The following VAPA variants were observed in gnomAD, a reference collection of about 807,000 sequenced individuals.
VAPA encodes vesicle-associated membrane protein-associated protein A.
Under a neutral mutation model 25.6 loss-of-function variants are expected in VAPA, and 6 were observed. The ratio of observed to expected loss-of-function variants is 0.23; its 90% CI spans 0.13 to 0.46. VAPA has a LOEUF of 0.46. Among genes scored for constraint, VAPA ranks in the 20% least tolerant of loss-of-function variants. The pLI, the probability that VAPA is intolerant of heterozygous loss-of-function variation, is 0.99. For missense variants in VAPA, 244 were observed against 302.1 expected (o/e 0.81, Z 1.43); for synonymous variants, 112 against 106.2 (o/e 1.05, Z -0.34).
intron 1 of VAPA, among the ~76,000 whole-genome samples, chr18:9,922,345 A>G (rs542184897): frequency 2.0e-5 from 3 of 152,304 alleles, no homozygotes; most frequent in Admixed American, 6.5e-5. Context: ...TTGCATTTAT[A>G]ACCAAAAAAG....
At chr18:9,914,511 C>T (rs548634549) in intron 1 of VAPA, 176 bp downstream of exon 1, 511 of 432,938 alleles carry the variant, frequency 1.2e-3, no homozygotes, top group Non-Finnish European at 1.7e-3. Context: ...CGGCCTGCCC[C>T]TTGCTCCGGC....
chr18:9,953,746 A>G (rs1316446443), intron 5 of VAPA, among the ~76,000 whole-genome samples: 1 of 152,224 alleles, frequency 6.6e-6, no homozygotes, highest in Non-Finnish European at 1.5e-5. Context: ...CTTTTTAGGA[A>G]TACATTTCTC....
At chr18:9,949,223 A>G (rs1359766166) in intron 4 of VAPA, 1 of 152,160 alleles carries the variant, frequency 6.6e-6, no homozygotes, top group African/African-American at 2.4e-5. Context: ...AGAAAAACTC[A>G]GAGAATTGAA....
At position 9,950,661 on chromosome 18, in the gene VAPA, T is replaced by C; in HGVS notation, c.591+93T>C. On this transcript the variant is annotated intron_variant, in intron 5 of 5. Transcript: ENST00000400000. ...CATTTTAGCAATTAGCTTTTAAATT[T>C]TTGCTTGGTCAGTTCTTTCTTCTTT... 2.8e-6 allele frequency: 4 copies of C among 1,414,668 alleles called. No individual in the cohort carries two copies. The South Asian group carries it at 4.2e-5, about 15-fold the overall frequency. 87.6% of individuals were successfully genotyped at this position (1,414,668 alleles called of 1,614,324 possible).
chr18:9,941,118 G>GT (rs1301880957), intron 4 of VAPA, among the ~76,000 whole-genome samples: 1 of 151,602 alleles, frequency 6.6e-6, no homozygotes, highest in African/African-American at 2.4e-5. Flanking sequence ...ATTTAACCCA[G>GT]TATTTTTTTT....
At chr18:9,927,474 C>CT (rs74852348) in intron 1 of VAPA, among the ~76,000 whole-genome samples, 14,537 of 135,630 alleles carry the variant, frequency 0.11, 1,066 homozygotes, top group African/African-American at 0.22. Context: ...TACAGTGGTT[C>CT]TTTTTTTTTT....
At chr18:9,920,588 G>A (rs544313451) in intron 1 of VAPA, among the ~76,000 whole-genome samples, 80 of 152,344 alleles carry the variant, frequency 5.3e-4, no homozygotes, top group Non-Finnish European at 9.0e-4. Context: ...GTGAGCCACT[G>A]TGCCCAGCCT....
At chr18:9,933,050 T>C (rs1352141842) in intron 2 of VAPA, among the ~76,000 whole-genome samples, 2 of 150,150 alleles carry the variant, frequency 1.3e-5, no homozygotes, top group Admixed American at 6.7e-5. Flanking sequence ...GAGGTTGCAG[T>C]GAGCGGAGAC....
chr18:9,931,768 C>A, intron 1 of VAPA, 42 bp from the exon 2 acceptor site: 2 of 1,527,576 alleles, frequency 1.3e-6, no homozygotes, highest in Non-Finnish European at 1.8e-6. Flanking sequence ...TGTTGAGAAT[C>A]CAATTAAATT....
intron 4 of VAPA, chr18:9,945,115 AT>A: frequency 6.4e-7 from 1 of 1,574,024 alleles, no homozygotes. Context: ...GGTTAAGTTA[AT>A]GTAGATACCT....
Position 9,931,902 on chromosome 18 carries a change from C to T in VAPA, c.172C>T (p.Arg58Trp), listed in dbSNP as rs759019820. The T allele has an allele frequency of 3.1e-6, 5 of 1,610,966 alleles. No homozygotes were observed. The highest frequency in any genetic ancestry group is 1.1e-5 in the South Asian group (1 of 90,926). ...CAAAGTGAAGACTACAGCACCTCGCCGGTACTGTGTGAGGCCCAACAGTGG... is the reference window on the plus strand; with the variant it reads ...CAAAGTGAAGACTACAGCACCTCGCTGGTACTGTGTGAGGCCCAACAGTGG... ...CFKVKTTAPR[R>W]YCVRPNSGII... Residue 58 changes from arginine (R) to tryptophan (W), a missense_variant, in exon 2 of 6, where the codon CGG becomes TGG. Arg to Trp is a moderately radical substitution (Grantham distance 101). Around this residue, in one of 2 missense-constraint regions of VAPA, gnomAD observed 99 missense variants for 161.6 expected, o/e 0.61. Transcript: ENST00000400000.
intron 4 of VAPA, among the ~76,000 whole-genome samples, chr18:9,942,960 C>A (rs2069381774): frequency 6.6e-6 from 1 of 152,170 alleles, no homozygotes; most frequent in Non-Finnish European, 1.5e-5. Flanking sequence ...GCGTATACCC[C>A]ACTTGTGTGA....
intron 1 of VAPA, among the ~76,000 whole-genome samples, chr18:9,928,217 T>A (rs2069218542): frequency 6.6e-6 from 1 of 152,180 alleles, no homozygotes; most frequent in African/African-American, 2.4e-5. Context: ...TTGCATCAGA[T>A]GTTCACTTTG....
chr18:9,946,314 G>A (rs1384211452), intron 4 of VAPA, among the ~76,000 whole-genome samples: 2 of 152,170 alleles, frequency 1.3e-5, no homozygotes, highest in South Asian at 2.1e-4. Context: ...TGTATAGCCT[G>A]TGGCTGTACT....
At chr18:9,930,544 A>C (rs1173101712) in intron 1 of VAPA, among the ~76,000 whole-genome samples, 1 of 152,036 alleles carries the variant, frequency 6.6e-6, no homozygotes, top group Admixed American at 6.6e-5. Flanking sequence ...TTTATGGTGG[A>C]GTTTTTAATC....
intron 1 of VAPA, among the ~76,000 whole-genome samples, chr18:9,930,770 A>G (rs953464892): frequency 6.6e-6 from 1 of 151,492 alleles, no homozygotes; most frequent in South Asian, 2.1e-4. Context: ...CTGCCTTTCT[A>G]TGCTTGCTTC....
intron 4 of VAPA, chr18:9,945,137 T>G: frequency 6.7e-7 from 1 of 1,498,688 alleles, no homozygotes; most frequent in Non-Finnish European, 9.1e-7. Flanking sequence ...AGCAGATAAG[T>G]GGTATTGTGA....
rs1434001089 is a variant in VAPA at position 9,959,801 on chromosome 18, A to G, written c.*5590A>G. On this transcript the variant is annotated 3_prime_UTR_variant, in exon 6 of 6. Coordinates refer to ENST00000400000, the MANE Select transcript of VAPA (RefSeq NM_194434.3). ...GAATCTTTTGTATTTTCGAGCAATA[A>G]GAATTCCTATTCTTGTTTCAAATAG... 2 of 151,824 alleles carry G rather than the reference A, an allele frequency of 1.3e-5. No homozygotes were observed. Among genetic ancestry groups the G allele is most frequent in the East Asian group, 3.9e-4 (2 of 5,178 alleles). The allele number at this position is 151,824 out of a possible 1,614,324, so 9.4% of individuals were successfully genotyped here.
rs2069588017 is a variant in VAPA, at chr18:9,959,810, A to G, written c.*5599A>G. 6.6e-6 allele frequency: 1 copy of G among 150,550 alleles called. No individual in the cohort carries two copies. Among genetic ancestry groups the G allele is most frequent in the Non-Finnish European group, 1.5e-5 (1 of 67,824 alleles). The allele number at this position is 150,550 out of a possible 1,614,324, so 9.3% of individuals were successfully genotyped here. On this transcript the variant is annotated 3_prime_UTR_variant, in exon 6 of 6. Coordinates refer to ENST00000400000, the MANE Select transcript of VAPA (RefSeq NM_194434.3). The stretch of plus-strand genomic sequence containing the variant: ...GTATTTTCGAGCAATAAGAATTCCT[A>G]TTCTTGTTTCAAATAGAGGTTTGTT...
Sources: gnomAD v4.1 joint callset for allele counts (sites outside exome capture counted in the v4.1 genomes callset) on GRCh38, gnomAD v4.1.1 for gene constraint, gnomAD v4.1.1 regional missense constraint, MANE v1.5 for transcripts, NCBI Gene and HGNC (gene_info 2026-07-23, HGNC 2026-07-21) for gene names.